Variants in SLC35F3 observed in about 807,000 individuals in gnomAD.
SLC35F3 encodes the protein putative thiamine transporter SLC35F3.
SLC35F3 carries 25 observed loss-of-function variants against 49.9 expected under a neutral mutation model. That is an observed-to-expected ratio of 0.50 (90% CI 0.37 to 0.70). The LOEUF is 0.70. Among genes scored for constraint, SLC35F3 ranks in the 30% least tolerant of loss-of-function variants. The pLI is 0.00. For missense variants in SLC35F3, 525 were observed against 639.8 expected (o/e 0.82, Z 1.94); for synonymous variants, 275 against 265.4 (o/e 1.04, Z -0.35).
chr1:234,168,025 T>C (rs1447329417), intron 2 of SLC35F3, among the ~76,000 whole-genome samples: 1 of 152,194 alleles, frequency 6.6e-6, no homozygotes, highest in African/African-American at 2.4e-5. Context: ...TCCTGCACAC[T>C]TGTGTGTCTG....
intron 2 of SLC35F3, among the ~76,000 whole-genome samples, chr1:234,029,278 G>C (rs896954564): frequency 6.6e-6 from 1 of 152,172 alleles, no homozygotes; most frequent in Non-Finnish European, 1.5e-5. Context: ...GGTCAGCAAA[G>C]GTGATAATTA....
intron 3 of SLC35F3, among the ~76,000 whole-genome samples, chr1:234,238,545 A>C (rs561450091): frequency 6.6e-6 from 1 of 152,292 alleles, no homozygotes; most frequent in East Asian, 1.9e-4. Flanking sequence ...CCACCACTCC[A>C]TATAGTCTTC....
intron 3 of SLC35F3, among the ~76,000 whole-genome samples, chr1:234,287,176 G>A (rs993645665): frequency 6.6e-5 from 10 of 152,072 alleles, no homozygotes; most frequent in African/African-American, 2.4e-4. Flanking sequence ...TCCAGCCTGG[G>A]CAACAGAGTG....
chr1:233,966,993 G>A (rs943569195), intron 2 of SLC35F3, among the ~76,000 whole-genome samples: 1 of 152,184 alleles, frequency 6.6e-6, no homozygotes, highest in Non-Finnish European at 1.5e-5. Flanking sequence ...ACAGGGTCAT[G>A]AGTCAACTTT....
At chr1:234,130,359 G>A (rs1259159094) in intron 2 of SLC35F3, among the ~76,000 whole-genome samples, 4 of 151,842 alleles carry the variant, frequency 2.6e-5, no homozygotes, top group Admixed American at 6.6e-5. Flanking sequence ...AAAAACTCTC[G>A]GCCGGGTGCA....
intron 3 of SLC35F3, chr1:234,268,962 G>A (rs940952057): frequency 6.6e-6 from 1 of 152,024 alleles, no homozygotes; most frequent in East Asian, 1.9e-4. Flanking sequence ...CACATATATA[G>A]TACATACCTA....
intron 2 of SLC35F3, among the ~76,000 whole-genome samples, chr1:234,102,353 G>A (rs1199728653): frequency 1.3e-5 from 2 of 152,148 alleles, no homozygotes; most frequent in Non-Finnish European, 1.5e-5. Context: ...GTGTGTTTGT[G>A]TGTGTGTGTA....
At chr1:234,119,238 G>C (rs1395473571) in intron 2 of SLC35F3, among the ~76,000 whole-genome samples, 1 of 151,788 alleles carries the variant, frequency 6.6e-6, no homozygotes, top group Non-Finnish European at 1.5e-5. Context: ...TTGCTGCCTG[G>C]GCCTTTGCAC....
At chr1:234,096,097 CTT>C (rs1193899438) in intron 2 of SLC35F3, among the ~76,000 whole-genome samples, 1 of 152,158 alleles carries the variant, frequency 6.6e-6, no homozygotes, top group Non-Finnish European at 1.5e-5. Flanking sequence ...TTTCAAGCAC[CTT>C]TTCTTCTTTC....
Position 233,974,247 on chromosome 1 carries a change from C to G in SLC35F3, c.283+68489C>G, listed in dbSNP as rs1663042149. The stretch of plus-strand genomic sequence containing the variant: ...TTGCCCAGGCTGAAGTGCAATGGCA[C>G]AATCTCGGCTCACTGCAACCTCCGC... On this transcript the variant is annotated intron_variant, in intron 2 of 7. Coordinates refer to ENST00000366618, the MANE Select transcript of SLC35F3 (RefSeq NM_173508.4). 2.3e-5 allele frequency among the ~76,000 whole-genome samples: 3 copies of G among 133,226 alleles called. No individual in the cohort carries two copies. The Admixed American group carries it at 2.6e-4, about 11-fold the overall frequency. The allele number at this position is 133,226 out of a possible 152,430, so 87.4% of individuals were successfully genotyped here.
intron 2 of SLC35F3, among the ~76,000 whole-genome samples, chr1:234,058,993 A>G (rs1036543689): frequency 6.6e-6 from 1 of 152,092 alleles, no homozygotes; most frequent in African/African-American, 2.4e-5. Flanking sequence ...ATGATACTTT[A>G]TATTTCTGTA....
At chr1:234,250,047 T>C (rs1667711336) in intron 3 of SLC35F3, among the ~76,000 whole-genome samples, 1 of 152,202 alleles carries the variant, frequency 6.6e-6, no homozygotes, top group Admixed American at 6.5e-5. Flanking sequence ...GAAATATATA[T>C]GGGAGAAGAA....
rs181818810 is a variant in SLC35F3 at position 233,985,868 on chromosome 1, T to A, written c.283+80110T>A. On this transcript the variant is annotated intron_variant, in intron 2 of 7. Coordinates refer to ENST00000366618, the MANE Select transcript of SLC35F3 (RefSeq NM_173508.4). Reference sequence around the variant, plus strand: ...TGGAGAAACTTCCTGCAGAGGTTGATGAACTTTTAATCAAACAAACGTTCT... The same window carrying A: ...TGGAGAAACTTCCTGCAGAGGTTGAAGAACTTTTAATCAAACAAACGTTCT... Among the ~76,000 whole-genome samples, 759 of 152,382 alleles carry A rather than the reference T, an allele frequency of 5.0e-3. 11 individuals are homozygous for A. Among genetic ancestry groups the A allele is most frequent in the African/African-American group, 0.017 (704 of 41,582 alleles).
intron 2 of SLC35F3, among the ~76,000 whole-genome samples, chr1:234,126,407 A>T (rs1486707127): frequency 1.3e-5 from 2 of 152,130 alleles, no homozygotes; most frequent in Non-Finnish European, 2.9e-5. Flanking sequence ...AACATCTTGC[A>T]AAACTGTAGT....
chr1:234,106,439 G>C (rs562456242), intron 2 of SLC35F3, among the ~76,000 whole-genome samples: 64 of 152,300 alleles, frequency 4.2e-4, no homozygotes, highest in African/African-American at 1.5e-3. Context: ...CTGGAGGCTG[G>C]AAGACCAAGA....
chr1:233,977,697 T>C (rs1416494389), intron 2 of SLC35F3, among the ~76,000 whole-genome samples: 1 of 152,226 alleles, frequency 6.6e-6, no homozygotes, highest in African/African-American at 2.4e-5. Flanking sequence ...AATTATGGCA[T>C]CAAGTCTGTC....
chr1:234,310,502 G>A (rs912708974), intron 4 of SLC35F3, among the ~76,000 whole-genome samples: 21 of 152,178 alleles, frequency 1.4e-4, no homozygotes, highest in Admixed American at 3.3e-4. Context: ...CTCACTCTCT[G>A]TGCCACCAGA....
chr1:233,969,726 T>G (rs1662961252), intron 2 of SLC35F3, among the ~76,000 whole-genome samples: 1 of 152,212 alleles, frequency 6.6e-6, no homozygotes. Context: ...TATGAAAAGA[T>G]AAGTCTCTGT....
chr1:234,249,198 C>G (rs1427101437), intron 3 of SLC35F3, among the ~76,000 whole-genome samples: 3 of 152,176 alleles, frequency 2.0e-5, no homozygotes, highest in Non-Finnish European at 4.4e-5. Flanking sequence ...GGACCCTCAC[C>G]TTGCATGAAT....
Sources: gnomAD v4.1 joint callset for allele counts (sites outside exome capture counted in the v4.1 genomes callset) on GRCh38, gnomAD v4.1.1 for gene constraint, MANE v1.5 for transcripts, NCBI Gene and HGNC (gene_info 2026-07-23, HGNC 2026-07-21) for gene names.